Variants in PCDHGB6 observed in about 807,000 individuals in gnomAD.
PCDHGB6 encodes the protein protocadherin gamma-B6.
Under a neutral mutation model 59.1 loss-of-function variants are expected in PCDHGB6, and 51 were observed. That is an observed-to-expected ratio of 0.86 (90% CI 0.69 to 1.09). The LOEUF (loss-of-function observed/expected upper bound fraction) is 1.09. Ranked by LOEUF, PCDHGB6 falls within the 50% of genes least tolerant of loss-of-function variation. PCDHGB6 has a pLI of 0.00. For synonymous variants in PCDHGB6, 466 were observed against 495.1 expected (o/e 0.94, Z 0.78); for missense variants, 1,148 against 1,205.1 (o/e 0.95, Z 0.70).
In PCDHGB6 at chr5:141,410,515, G is replaced by T; in HGVS notation, c.2313G>T (p.Val771=). The change falls in exon 1 of 4, where the codon GTG becomes GTT. Residue 771 remains valine, a synonymous_variant. Coordinates refer to ENST00000520790, the MANE Select transcript of PCDHGB6 (RefSeq NM_018926.3). ...AGTTTAATTTCCTAAAATGCAGTGT[G>T]CCCCTACATTCCAATGAAGACATGG... ...TKEFNFLKCS[V]PLHSNEDMVC... 6.2e-7 allele frequency: 1 copy of T among 1,613,946 alleles called. No individual in the cohort carries two copies. Among genetic ancestry groups the T allele is most frequent in the South Asian group, 1.1e-5 (1 of 91,088 alleles).
Position 141,489,575 on chromosome 5 carries a change from AC to A in PCDHGB6, c.2419-5227del. On this transcript the variant is annotated intron_variant, in intron 1 of 3. Coordinates refer to ENST00000520790, the MANE Select transcript of PCDHGB6 (RefSeq NM_018926.3). This position sits in a 1 kb window ranked among gnomAD's most constrained non-coding sequence, Gnocchi z 4.5. ...CTGCCAGTGCAGGTGGTGACTGAAC[AC>A]CCCCTGGAGCTAATCCGTGTAGAGG... 1 of 1,613,788 alleles carries A rather than the reference AC, an allele frequency of 6.2e-7. No individual in the cohort carries two copies. Among genetic ancestry groups the A allele is most frequent in the Middle Eastern group, 1.6e-4 (1 of 6,062 alleles).
chr5:141,431,460 A>C lies in PCDHGB6; in HGVS notation c.2418+20840A>C, dbSNP rs761879594. On this transcript the variant is annotated intron_variant, in intron 1 of 3. Coordinates refer to ENST00000520790, the MANE Select transcript of PCDHGB6 (RefSeq NM_018926.3). This position sits in a 1 kb window ranked among gnomAD's most constrained non-coding sequence, Gnocchi z 4.8. ...GCGCGCATCCGCGTGATGGTTCTGGATGCGAACGACAACGCACCAGCGTTT... is the reference window on the plus strand; with the variant it reads ...GCGCGCATCCGCGTGATGGTTCTGGCTGCGAACGACAACGCACCAGCGTTT... 8.1e-6 allele frequency: 13 copies of C among 1,613,676 alleles called. No individual in the cohort carries two copies. The highest frequency in any genetic ancestry group is 1.1e-5 in the Non-Finnish European group (13 of 1,179,984).
chr5:141,512,866 AC>A lies in PCDHGB6; in HGVS notation c.*1694del. Reference sequence around the variant, plus strand: ...TATAAGCGCTTCTCTTCGCATAGTCACGTAGCTCCCACCCCACCCTCTTCCT... The same window carrying A: ...TATAAGCGCTTCTCTTCGCATAGTCAGTAGCTCCCACCCCACCCTCTTCCT... On this transcript the variant is annotated 3_prime_UTR_variant, in exon 4 of 4. Transcript: ENST00000520790. 1 of 152,098 alleles carries A rather than the reference AC, an allele frequency of 6.6e-6. No homozygotes were observed. Among genetic ancestry groups the A allele is most frequent in the Non-Finnish European group, 1.5e-5 (1 of 68,034 alleles). 9.4% of individuals were successfully genotyped at this position (152,098 alleles called of 1,614,324 possible).
chr5:141,481,897 G>A (rs916673176), intron 1 of PCDHGB6, among the ~76,000 whole-genome samples: 3 of 128,712 alleles, frequency 2.3e-5, no homozygotes, highest in South Asian at 5.0e-4. Context: ...CTGGGTGAAA[G>A]AGCGAAACTC....
At chr5:141,430,945 C>G (rs1466092130) in intron 1 of PCDHGB6, 1 of 1,609,234 alleles carries the variant, frequency 6.2e-7, no homozygotes, top group Non-Finnish European at 8.5e-7. Context: ...TCGCGGAGCG[C>G]GGAGTCCGCA....
At chr5:141,503,620 A>C (rs1475731896) in intron 2 of PCDHGB6, among the ~76,000 whole-genome samples, 1 of 152,026 alleles carries the variant, frequency 6.6e-6, no homozygotes, top group East Asian at 1.9e-4. Flanking sequence ...AAAAAGAAAA[A>C]AGAAAAGAAA....
Position 141,409,303 on chromosome 5 carries a change from C to G in PCDHGB6, c.1101C>G (p.Ala367=). Residue 367 remains alanine (A), a synonymous_variant, in exon 1 of 4, where the codon GCC becomes GCG. Coordinates refer to ENST00000520790, the MANE Select transcript of PCDHGB6 (RefSeq NM_018926.3). ...LENSPPGMVV[A]LFKTRDLDFG... is the part of the protein sequence containing the mutation. ...ATTCACCTCCAGGAATGGTTGTTGC[C>G]CTCTTCAAAACACGGGATCTGGATT... The G allele has an allele frequency of 1.9e-6, 3 of 1,613,922 alleles. No homozygotes were observed. Among genetic ancestry groups the G allele is most frequent in the South Asian group, 2.2e-5 (2 of 91,070 alleles).
At chr5:141,421,619 C>T (rs778666303) in intron 1 of PCDHGB6, 2 of 1,613,694 alleles carry the variant, frequency 1.2e-6, no homozygotes, top group South Asian at 1.1e-5. Flanking sequence ...AATGATAACG[C>T]CCCCAGCTTC....
chr5:141,435,409 G>A (rs1387678336), intron 1 of PCDHGB6, among the ~76,000 whole-genome samples: 1 of 152,066 alleles, frequency 6.6e-6, no homozygotes, highest in African/African-American at 2.4e-5. Context: ...AAATGGTAAA[G>A]ACTATTTTTC....
Position 141,432,224 on chromosome 5 carries a change from T to C in PCDHGB6, c.2418+21604T>C. On this transcript the variant is annotated intron_variant, in intron 1 of 3. Transcript: ENST00000520790. The surrounding 1 kb of genome is among the most constrained non-coding windows in gnomAD (Gnocchi z 6.0). The stretch of plus-strand genomic sequence containing the variant: ...CTGTGAAGAGAACGCCCAGATCACT[T>C]ATTCCCTGGCTGAGAACACCATCCA... 6.2e-7 allele frequency: 1 copy of C among 1,614,138 alleles called. No homozygotes were observed. Among genetic ancestry groups the C allele is most frequent in the Non-Finnish European group, 8.5e-7 (1 of 1,180,024 alleles).
Position 141,511,703 on chromosome 5 carries a change from T to G in PCDHGB6, c.*530T>G, listed in dbSNP as rs148447880. On this transcript the variant is annotated 3_prime_UTR_variant, in exon 4 of 4. Coordinates refer to ENST00000520790, the MANE Select transcript of PCDHGB6 (RefSeq NM_018926.3). ...AAAGCATGGTTTGGTGCCAGCCCCT[T>G]CACCTCCTTCCAGAGCCCAAGATCA... The G allele has an allele frequency of 1.1e-4, 21 of 189,942 alleles. No homozygotes were observed. In the East Asian group the frequency reaches 2.4e-3, roughly 22 times the overall value. 11.8% of individuals were successfully genotyped at this position (189,942 alleles called of 1,614,324 possible).
At chr5:141,478,733 T>C (rs1562072874) in intron 1 of PCDHGB6, 8 of 1,537,128 alleles carry the variant, frequency 5.2e-6, no homozygotes, top group Non-Finnish European at 7.0e-6. Context: ...AGAGTGTGGT[T>C]TGTGGTCCCA....
At chr5:141,475,871 A>G (rs568810142) in intron 1 of PCDHGB6, 17 of 513,152 alleles carry the variant, frequency 3.3e-5, no homozygotes, top group Middle Eastern at 5.1e-4. Context: ...TTCTTCGTGC[A>G]GTTATTGGCT....
intron 1 of PCDHGB6, chr5:141,426,967 T>G (rs151241654): frequency 2.2e-6 from 1 of 456,702 alleles, no homozygotes; most frequent in East Asian, 6.9e-5. Context: ...GCAATTCAAA[T>G]TGAGGTCACT....
chr5:141,507,554 A>C (rs1384910590), intron 3 of PCDHGB6, among the ~76,000 whole-genome samples: 2 of 152,258 alleles, frequency 1.3e-5, no homozygotes, highest in African/African-American at 4.8e-5. Context: ...TGAAAGTGGC[A>C]GGCGGCTGGG....
Position 141,432,909 on chromosome 5 carries a change from G to A in PCDHGB6, c.2418+22289G>A, listed in dbSNP as rs773372764. On this transcript the variant is annotated intron_variant, in intron 1 of 3. Coordinates refer to ENST00000520790, the MANE Select transcript of PCDHGB6 (RefSeq NM_018926.3). The surrounding 1 kb of genome is among the most constrained non-coding windows in gnomAD (Gnocchi z 6.0). ...ATCTTGCTGCTGGCGCTCAGGCTGCGGCGCTGGCACAAGTCACGCCTGCTG... is the reference window on the plus strand; with the variant it reads ...ATCTTGCTGCTGGCGCTCAGGCTGCAGCGCTGGCACAAGTCACGCCTGCTG... 9 of 1,614,038 alleles carry A rather than the reference G, an allele frequency of 5.6e-6. No homozygotes were observed. The highest frequency in any genetic ancestry group is 4.5e-5 in the East Asian group (2 of 44,880).
intron 1 of PCDHGB6, chr5:141,414,180 A>T: frequency 6.2e-7 from 1 of 1,608,986 alleles, no homozygotes; most frequent in Non-Finnish European, 8.5e-7. Context: ...TTGCAACTGC[A>T]AAAGTGTTGA....
At chr5:141,478,236 T>C (rs2099440813) in intron 1 of PCDHGB6, 3 of 1,614,156 alleles carry the variant, frequency 1.9e-6, no homozygotes, top group Non-Finnish European at 2.5e-6. Flanking sequence ...GGGTTTGTGG[T>C]CACAGTGTTC....
intron 1 of PCDHGB6, chr5:141,418,454 A>G (rs1211470387): frequency 3.1e-6 from 5 of 1,613,774 alleles, no homozygotes; most frequent in Non-Finnish European, 3.4e-6. Flanking sequence ...ATTGCAGAAG[A>G]CTCTGGACCG....
Sources: gnomAD v4.1 joint callset for allele counts (sites outside exome capture counted in the v4.1 genomes callset) on GRCh38, gnomAD v4.1.1 for gene constraint, Gnocchi (gnomAD v3.1) non-coding constraint, MANE v1.5 for transcripts, NCBI Gene and HGNC (gene_info 2026-07-23, HGNC 2026-07-21) for gene names.